Variants in TBCD observed in about 807,000 individuals in gnomAD.
TBCD encodes the protein tubulin-specific chaperone D.
In TBCD, 105 loss-of-function variants were observed where a neutral mutation model predicts 169.3. That is an observed-to-expected ratio of 0.62 (90% CI 0.53 to 0.73). The LOEUF (loss-of-function observed/expected upper bound fraction) is 0.73. TBCD is among the 30% of genes least tolerant of loss of function. The pLI is 0.00. For missense variants in TBCD, 1,444 were observed against 1,600.1 expected (o/e 0.90, Z 1.66); for synonymous variants, 700 against 643.9 (o/e 1.09, Z -1.32).
rs574147591 is a variant in TBCD at position 82,884,869 on chromosome 17, G to T, written c.1533+667G>T. 1 of 153,030 alleles carries T rather than the reference G, an allele frequency of 6.5e-6. No individual in the cohort carries two copies. The highest frequency in any genetic ancestry group is 2.1e-4 in the South Asian group (1 of 4,860). 9.5% of individuals were successfully genotyped at this position (153,030 alleles called of 1,614,324 possible). A position where few individuals can be genotyped will look rare whatever the true frequency, so the allele number is the denominator to read the frequency against. ...CCACAGAGAGCGGACAGTTGAGACG[G>T]TGGACCAGTCTCAAGATAAGAGTCT... On this transcript the variant is annotated intron_variant, in intron 15 of 38. Transcript: ENST00000355528. The surrounding 1 kb of genome is among the most constrained non-coding windows in gnomAD (Gnocchi z 4.2).
chr17:82,780,295 C>G (rs112363501), intron 6 of TBCD, among the ~76,000 whole-genome samples: 4 of 151,600 alleles, frequency 2.6e-5, no homozygotes, highest in Non-Finnish European at 5.9e-5. Context: ...CCGTTTCCTT[C>G]GTAACTTTTC....
chr17:82,941,430 C>G lies in TBCD; in HGVS notation c.3511C>G (p.Arg1171Gly). Residue 1171 changes from arginine (R) to glycine (G), a missense_variant, in exon 38 of 39, where the codon CGC becomes GGC. Physicochemically the swap from Arg to Gly is moderately radical, Grantham distance 125. Transcript: ENST00000355528. ...GGAGCTTGCAGTGGTGAGAGAGCAGCGCAACCGTCTGTGTGACCTTCTGGG... is the reference window on the plus strand; with the variant it reads ...GGAGCTTGCAGTGGTGAGAGAGCAGGGCAACCGTCTGTGTGACCTTCTGGG... ...DAELAVVREQRNRLCDLLGVP... is the reference protein window; with the variant it reads ...DAELAVVREQGNRLCDLLGVP... The G allele has an allele frequency of 1.2e-6, 2 of 1,601,626 alleles. No homozygotes were observed. The highest frequency in any genetic ancestry group is 2.2e-5 in the South Asian group (2 of 89,276).
At chr17:82,856,834 C>T (rs1176309035) in intron 13 of TBCD, among the ~76,000 whole-genome samples, 31 of 133,978 alleles carry the variant, frequency 2.3e-4, no homozygotes, top group Non-Finnish European at 4.0e-4. Flanking sequence ...GCGTGCGGAC[C>T]CTCGGTGCGC....
chr17:82,768,284 G>T, intron 4 of TBCD, 136 bp from the exon 5 acceptor site: 1 of 1,044,998 alleles, frequency 9.6e-7, no homozygotes, highest in Non-Finnish European at 1.4e-6. Context: ...TGCATTTCTG[G>T]CCCTGAGGGT....
In TBCD at chr17:82,923,508, C is replaced by T. The variant is rs1470852483; in HGVS notation, c.2179-144C>T. ...CAGGGCGACCCGCTGGGTCCCTGGT[C>T]AGGCAGGGGCTGCTCTGACCTCAGG... On this transcript the variant is annotated intron_variant, in intron 25 of 38. Coordinates refer to ENST00000355528, the MANE Select transcript of TBCD (RefSeq NM_005993.5). This position sits in a 1 kb window ranked among gnomAD's most constrained non-coding sequence, Gnocchi z 4.6. 7.5e-6 allele frequency: 5 copies of T among 662,906 alleles called. No individual in the cohort carries two copies. The African/African-American group carries it at 9.3e-5, about 12-fold the overall frequency. 41.1% of individuals were successfully genotyped at this position (662,906 alleles called of 1,614,324 possible).
At chr17:82,927,419 T>C in intron 29 of TBCD, 96 bp downstream of exon 29, 1 of 1,455,796 alleles carries the variant, frequency 6.9e-7, no homozygotes, top group East Asian at 2.5e-5. Flanking sequence ...GAGAAATCTT[T>C]GTAGATTTGT....
At chr17:82,899,609 T>C (rs557830469) in intron 17 of TBCD, among the ~76,000 whole-genome samples, 1 of 152,264 alleles carries the variant, frequency 6.6e-6, no homozygotes, top group Non-Finnish European at 1.5e-5. Context: ...TGTATATATT[T>C]ATTTAGAAAT....
In TBCD at chr17:82,944,399, C is replaced by A. The variant is rs958018594; in HGVS notation, c.*1936C>A. 2 of 152,190 alleles carry A rather than the reference C, an allele frequency of 1.3e-5. No individual in the cohort carries two copies. Among genetic ancestry groups the A allele is most frequent in the Non-Finnish European group, 2.9e-5 (2 of 68,050 alleles). 9.4% of individuals were successfully genotyped at this position (152,190 alleles called of 1,614,324 possible). ...CCAGGTGATAGAGTTTGGCAAGGAACCCCTTGCTCACATGATAGCTGGGGC... is the reference window on the plus strand; with the variant it reads ...CCAGGTGATAGAGTTTGGCAAGGAAACCCTTGCTCACATGATAGCTGGGGC... On this transcript the variant is annotated 3_prime_UTR_variant, in exon 39 of 39. Transcript: ENST00000355528.
intron 2 of TBCD, among the ~76,000 whole-genome samples, chr17:82,758,400 A>AAAAAAAAAAAAAATAAAT (rs1035939621): frequency 1.0e-5 from 1 of 100,060 alleles, no homozygotes; most frequent in Non-Finnish European, 1.9e-5. Context: ...AAAAAAAAAA[A>AAAAAAAAAAAAAATAAAT]AAATAAATAA....
At chr17:82,810,236 G>A (rs1169694666) in intron 12 of TBCD, among the ~76,000 whole-genome samples, 3 of 152,188 alleles carry the variant, frequency 2.0e-5, no homozygotes, top group African/African-American at 4.8e-5. Flanking sequence ...GTGGGAGGAC[G>A]GCTTGAGCCT....
At chr17:82,893,743 A>G (rs1394640711) in intron 17 of TBCD, 111 bp downstream of exon 17, 1 of 779,746 alleles carries the variant, frequency 1.3e-6, no homozygotes, top group East Asian at 2.7e-5. Context: ...ACTCAATGGA[A>G]TGTAGTTTTT....
intron 3 of TBCD, 103 bp from the exon 4 acceptor site, chr17:82,766,164 A>C (rs532826317): frequency 3.4e-5 from 29 of 853,034 alleles, no homozygotes; most frequent in Admixed American, 1.1e-4. Context: ...CTCTTTGATC[A>C]GTGGGTCGCG....
chr17:82,767,976 G>C (rs1448829179), intron 4 of TBCD, among the ~76,000 whole-genome samples: 2 of 150,944 alleles, frequency 1.3e-5, no homozygotes, highest in Admixed American at 1.3e-4. Context: ...AGGAACTCCT[G>C]ACCTCAGGTG....
rs574785181 is a variant in TBCD, at chr17:82,880,941, G to T, written c.1476-3204G>T. ...CAGGCGGAACTCGGGGAAGGAGGCC[G>T]TGTACTCCCATAGCTCTGGGCTCTG... On this transcript the variant is annotated intron_variant, in intron 14 of 38. Transcript: ENST00000355528. This position sits in a 1 kb window ranked among gnomAD's most constrained non-coding sequence, Gnocchi z 5.0. Among the ~76,000 whole-genome samples the T allele has an allele frequency of 1.3e-5, 2 of 152,178 alleles. No homozygotes were observed. Among genetic ancestry groups the T allele is most frequent in the African/African-American group, 2.4e-5 (1 of 41,438 alleles).
At chr17:82,824,735 G>A (rs2052693917) in intron 13 of TBCD, among the ~76,000 whole-genome samples, 1 of 152,206 alleles carries the variant, frequency 6.6e-6, no homozygotes, top group East Asian at 1.9e-4. Context: ...TAATGCTGCT[G>A]TGGACATGGA....
chr17:82,878,701 A>G (rs889457302), intron 14 of TBCD, among the ~76,000 whole-genome samples: 1 of 152,096 alleles, frequency 6.6e-6, no homozygotes, highest in African/African-American at 2.4e-5. Flanking sequence ...CTTGTGGGGT[A>G]CTCGAAGGTT....
At chr17:82,783,936 T>C (rs1300416700) in intron 7 of TBCD, among the ~76,000 whole-genome samples, 1 of 152,020 alleles carries the variant, frequency 6.6e-6, no homozygotes, top group Non-Finnish European at 1.5e-5. Flanking sequence ...ACCAGCCTGG[T>C]CAACGTGGTG....
chr17:82,815,063 G>C (rs2051759983), intron 13 of TBCD, 129 bp downstream of exon 13: 3 of 1,432,664 alleles, frequency 2.1e-6, no homozygotes, highest in Non-Finnish European at 2.8e-6. Flanking sequence ...TCACCAGGCT[G>C]TCCGTGGCAG....
chr17:82,846,055 G>A lies in TBCD; in HGVS notation c.1319-24169G>A, dbSNP rs189407050. On this transcript the variant is annotated intron_variant, in intron 13 of 38. Coordinates refer to ENST00000355528, the MANE Select transcript of TBCD (RefSeq NM_005993.5). ...AGGGCACAGCTTCAGGAACGGCTCC[G>A]GGCCGGAGGGCACCTCTCGCCTGGC... Among the ~76,000 whole-genome samples, 28 of 152,332 alleles carry A rather than the reference G, an allele frequency of 1.8e-4. No homozygotes were observed. In the East Asian group the frequency reaches 4.2e-3, roughly 23 times the overall value.
Sources: allele counts gnomAD v4.1 joint callset (sites outside exome capture counted in the v4.1 genomes callset), GRCh38; gene constraint gnomAD v4.1.1; non-coding constraint Gnocchi (gnomAD v3.1); transcripts MANE v1.5; gene names NCBI Gene and HGNC (gene_info 2026-07-23, HGNC 2026-07-21).